KLHDC4: variants seen among roughly 807,000 people sequenced by gnomAD.
KLHDC4 encodes kelch domain containing 4, also known as kelch domain-containing protein 4.
A neutral mutation model predicts 62.4 loss-of-function variants in KLHDC4; 90 were observed. The observed-to-expected ratio is 1.44, with a 90% CI of 1.22 to 1.72. The LOEUF is 1.72. Ranked by LOEUF, KLHDC4 falls within the 40% of genes most tolerant of loss-of-function variation. The probability of loss-of-function intolerance (pLI) is 0.00; values close to 1 mark genes in which losing one functional copy is unlikely to be tolerated. For missense variants in KLHDC4, 1,025 were observed against 699.7 expected (o/e 1.47, Z -5.25); for synonymous variants, 386 against 284.4 (o/e 1.36, Z -3.59).
At chr16:87,754,614 T>C (rs140657849) in intron 4 of KLHDC4, among the ~76,000 whole-genome samples, 479 of 152,334 alleles carry the variant, frequency 3.1e-3, no homozygotes, top group African/African-American at 7.8e-3. Flanking sequence ...TCAAATTTTC[T>C]GTGCGAGTCT....
chr16:87,725,047 C>G (rs995313286), intron 7 of KLHDC4, among the ~76,000 whole-genome samples: 1 of 152,062 alleles, frequency 6.6e-6, no homozygotes, highest in Non-Finnish European at 1.5e-5. Context: ...ACATGCAACA[C>G]GTGGGTCTGA....
chr16:87,711,589 C>A (rs2035847263), intron 8 of KLHDC4, 146 bp from the exon 9 acceptor site: 3 of 647,602 alleles, frequency 4.6e-6, no homozygotes, highest in African/African-American at 1.8e-5. Context: ...GCTCCCTCTG[C>A]AGAAAAACAG....
At chr16:87,763,360 T>C (rs1453323380) in intron 1 of KLHDC4, 2 of 152,262 alleles carry the variant, frequency 1.3e-5, no homozygotes, top group African/African-American at 4.8e-5. Flanking sequence ...CCCCGAACTT[T>C]GGGAGGCCGA....
At chr16:87,751,346 C>T (rs1450503220) in intron 4 of KLHDC4, among the ~76,000 whole-genome samples, 4 of 152,028 alleles carry the variant, frequency 2.6e-5, no homozygotes, top group Non-Finnish European at 5.9e-5. Context: ...TGGTGGCATG[C>T]GCCTGTAAAC....
chr16:87,710,842 G>C (rs1468283207), intron 9 of KLHDC4: 1 of 183,594 alleles, frequency 5.4e-6, no homozygotes, highest in Non-Finnish European at 1.2e-5. Context: ...TGCTGGGCTG[G>C]CCCTGGACAG....
intron 1 of KLHDC4, chr16:87,765,240 G>A (rs1303814638): frequency 4.4e-6 from 2 of 455,980 alleles, no homozygotes; most frequent in African/African-American, 2.0e-5. Context: ...AACCGTGATG[G>A]CCGCCATCAG....
At chr16:87,745,013 G>C (rs186881088) in intron 5 of KLHDC4, among the ~76,000 whole-genome samples, 2 of 152,348 alleles carry the variant, frequency 1.3e-5, no homozygotes, top group Non-Finnish European at 2.9e-5. Flanking sequence ...TACACATGCA[G>C]GCTTTTTTCC....
At position 87,760,822 on chromosome 16, in the gene KLHDC4, C is replaced by T. The variant is rs1444663786; in HGVS notation, c.191+1127G>A. 2.6e-5 allele frequency among the ~76,000 whole-genome samples: 4 copies of T among 152,036 alleles called. No individual in the cohort carries two copies. The South Asian group carries it at 8.3e-4, about 32-fold the overall frequency. On this transcript the variant is annotated intron_variant, in intron 2 of 11. Coordinates refer to ENST00000270583, the MANE Select transcript of KLHDC4 (RefSeq NM_017566.4). ...CCAAGGCAGGTGGATTACCTAAGGT[C>T]AGGAGTTCACGACCAGCCAGGCCAA...
chr16:87,741,116 G>A (rs1039631646), intron 5 of KLHDC4, among the ~76,000 whole-genome samples: 7 of 152,306 alleles, frequency 4.6e-5, no homozygotes, highest in South Asian at 2.1e-4. Flanking sequence ...GAGAAGATGA[G>A]GGACTGTTAC....
At chr16:87,733,847 C>T (rs1474726131) in intron 5 of KLHDC4, among the ~76,000 whole-genome samples, 1 of 152,236 alleles carries the variant, frequency 6.6e-6, no homozygotes, top group African/African-American at 2.4e-5. Flanking sequence ...TTCACACCCA[C>T]TCTCTGCCTG....
At chr16:87,748,491 G>A (rs1464179769) in intron 5 of KLHDC4, among the ~76,000 whole-genome samples, 182 bp downstream of exon 5, 1 of 152,132 alleles carries the variant, frequency 6.6e-6, no homozygotes, top group East Asian at 1.9e-4. Flanking sequence ...CCCGGCCCAG[G>A]CTTCTGTATG....
At chr16:87,746,050 G>A (rs758017693) in intron 5 of KLHDC4, among the ~76,000 whole-genome samples, 2 of 151,994 alleles carry the variant, frequency 1.3e-5, no homozygotes, top group Non-Finnish European at 2.9e-5. Flanking sequence ...AATCTCTTGA[G>A]GCCAAGAGTT....
rs113844965 is a variant in KLHDC4, at chr16:87,711,305, G to A, written c.974C>T (p.Ser325Leu). 7.4e-5 allele frequency: 120 copies of A among 1,613,970 alleles called. No homozygotes were observed. Among genetic ancestry groups the A allele is most frequent in the Non-Finnish European group, 9.3e-5 (110 of 1,180,040 alleles). ...VCDEEEEESL[S>L]GEFFNDLYFY... Reference sequence around the variant, plus strand: ...GTACAGATCGTTGAAGAACTCGCCCGACAGGCTCTCCTCCTCTTCCTCGTC... The same window carrying A: ...GTACAGATCGTTGAAGAACTCGCCCAACAGGCTCTCCTCCTCTTCCTCGTC... The change falls in exon 9 of 12, where the codon TCG becomes TTG. Residue 325 changes from serine to leucine, a missense_variant. By Grantham distance (145) the Ser-to-Leu change is moderately radical. Transcript: ENST00000270583.
At chr16:87,762,295 C>T (rs557100836) in intron 1 of KLHDC4, 2 of 540,704 alleles carry the variant, frequency 3.7e-6, no homozygotes, top group African/African-American at 4.0e-5. Flanking sequence ...GCTCCCTCTG[C>T]AAGACCTTCC....
At chr16:87,724,230 T>C (rs1385957206) in intron 7 of KLHDC4, among the ~76,000 whole-genome samples, 1 of 152,214 alleles carries the variant, frequency 6.6e-6, no homozygotes. Context: ...TCTTGAGAAT[T>C]AGTCCCGGGC....
At chr16:87,762,859 C>T (rs2046088598) in intron 1 of KLHDC4, among the ~76,000 whole-genome samples, 1 of 152,114 alleles carries the variant, frequency 6.6e-6, no homozygotes, top group African/African-American at 2.4e-5. Flanking sequence ...CAGTGTCCTG[C>T]TTGCAACTAC....
At chr16:87,716,630 T>TAGAAACCA (rs775567910) in intron 7 of KLHDC4, among the ~76,000 whole-genome samples, 36 of 152,230 alleles carry the variant, frequency 2.4e-4, no homozygotes, top group Middle Eastern at 3.4e-3. Flanking sequence ...AGAATAGTGT[T>TAGAAACCA]AGAAACCAAG....
intron 10 of KLHDC4, 197 bp from the exon 11 acceptor site, chr16:87,708,663 A>C (rs1184392176): frequency 7.1e-6 from 3 of 423,956 alleles, no homozygotes; most frequent in Admixed American, 7.9e-5. Flanking sequence ...CAGGACAGAG[A>C]TCCGAGACGG....
intron 6 of KLHDC4, among the ~76,000 whole-genome samples, chr16:87,728,256 C>G (rs1035846280): frequency 6.6e-6 from 1 of 152,162 alleles, no homozygotes; most frequent in Admixed American, 6.6e-5. Context: ...CTTCGCAGGA[C>G]GATGGCTCTT....
Sources: allele counts gnomAD v4.1 joint callset (sites outside exome capture counted in the v4.1 genomes callset), GRCh38; gene constraint gnomAD v4.1.1; transcripts MANE v1.5; gene names NCBI Gene and HGNC (gene_info 2026-07-23, HGNC 2026-07-21).